The following SYBU variants were observed in gnomAD, a reference collection of about 807,000 sequenced individuals.
SYBU encodes GOLSYN A protein.
SYBU carries 21 observed loss-of-function variants against 35.9 expected under a neutral mutation model. That is an observed-to-expected ratio of 0.58 (90% CI 0.41 to 0.84). SYBU has a LOEUF of 0.84. Ranked by LOEUF, SYBU falls within the 40% of genes least tolerant of loss-of-function variation. The pLI is 0.00. For synonymous variants in SYBU, 319 were observed against 324.3 expected (o/e 0.98, Z 0.18); for missense variants, 768 against 848.2 (o/e 0.91, Z 1.17).
At chr8:109,640,019 C>G (rs902891775) in intron 2 of SYBU, among the ~76,000 whole-genome samples, 2 of 152,132 alleles carry the variant, frequency 1.3e-5, no homozygotes, top group Non-Finnish European at 2.9e-5. Flanking sequence ...CCTTGGGGAA[C>G]TGACAGCACA....
At chr8:109,586,775 T>C (rs917399835) in intron 3 of SYBU, among the ~76,000 whole-genome samples, 3 of 152,222 alleles carry the variant, frequency 2.0e-5, no homozygotes, top group African/African-American at 7.2e-5. Flanking sequence ...TTAACAGTGA[T>C]AGAACCTGTA....
At chr8:109,651,122 C>T (rs1202605256) in intron 1 of SYBU, among the ~76,000 whole-genome samples, 1 of 152,220 alleles carries the variant, frequency 6.6e-6, no homozygotes, top group African/African-American at 2.4e-5. Flanking sequence ...GAGGCTGCTG[C>T]TGGAAGCCTA....
intron 3 of SYBU, among the ~76,000 whole-genome samples, chr8:109,611,098 T>C (rs548809899): frequency 1.3e-5 from 2 of 152,364 alleles, no homozygotes; most frequent in East Asian, 3.9e-4. Context: ...TTATTTCTGT[T>C]ATGCTGACAG....
intron 1 of SYBU, among the ~76,000 whole-genome samples, chr8:109,676,902 G>A (rs771621867): frequency 3.9e-5 from 6 of 152,160 alleles, no homozygotes; most frequent in Non-Finnish European, 7.4e-5. Context: ...TTTGGCAGTA[G>A]TCAGTTGTGA....
chr8:109,625,545 C>T (rs1444025401), intron 2 of SYBU, among the ~76,000 whole-genome samples: 1 of 152,136 alleles, frequency 6.6e-6, no homozygotes, highest in Non-Finnish European at 1.5e-5. Flanking sequence ...CCTCAGCCTC[C>T]CTAGCAGCTG....
At chr8:109,603,080 C>T (rs1825707407) in intron 3 of SYBU, among the ~76,000 whole-genome samples, 2 of 152,208 alleles carry the variant, frequency 1.3e-5, no homozygotes, top group African/African-American at 4.8e-5. Flanking sequence ...CCACAGAGCC[C>T]AGTGTCCGCC....
At chr8:109,630,691 G>A (rs1813517070) in intron 2 of SYBU, among the ~76,000 whole-genome samples, 1 of 152,172 alleles carries the variant, frequency 6.6e-6, no homozygotes, top group Admixed American at 6.5e-5. Flanking sequence ...AGAAAAATGG[G>A]TTTATGATTG....
At chr8:109,657,768 G>T (rs58910462) in intron 1 of SYBU, among the ~76,000 whole-genome samples, 9,048 of 152,196 alleles carry the variant, frequency 0.059, 807 homozygotes, top group African/African-American at 0.19. Context: ...GCAACCACAT[G>T]ATTTAATTGT....
At chr8:109,608,789 T>C (rs1023970504) in intron 3 of SYBU, among the ~76,000 whole-genome samples, 1 of 152,216 alleles carries the variant, frequency 6.6e-6, no homozygotes, top group Non-Finnish European at 1.5e-5. Context: ...AAAGTGATCA[T>C]TTATTGAGCA....
At chr8:109,644,887 G>C (rs2130674682), upstream of SYBU, 1 of 562,796 alleles carries the variant, frequency 1.8e-6, no homozygotes, top group East Asian at 3.2e-5. Flanking sequence ...GCTAGAGGCA[G>C]CTCCTGGGGC....
intron 3 of SYBU, among the ~76,000 whole-genome samples, chr8:109,598,552 G>T (rs1825150788): frequency 2.0e-5 from 3 of 152,152 alleles, no homozygotes. Flanking sequence ...GCCATAATAT[G>T]AACTACTGTA....
chr8:109,577,838 C>T (rs1391600701), intron 6 of SYBU, 30 bp downstream of exon 6: 1 of 1,592,484 alleles, frequency 6.3e-7, no homozygotes, highest in Non-Finnish European at 8.6e-7. Flanking sequence ...AGTTGTCCTA[C>T]ACCCCACCGT....
At chr8:109,612,206 T>C (rs955679893) in intron 3 of SYBU, among the ~76,000 whole-genome samples, 1 of 152,214 alleles carries the variant, frequency 6.6e-6, no homozygotes, top group East Asian at 1.9e-4. Flanking sequence ...CTTGCATTGA[T>C]ATTAGGATGA....
At chr8:109,665,492 T>C (rs1180063445) in intron 1 of SYBU, among the ~76,000 whole-genome samples, 1 of 152,254 alleles carries the variant, frequency 6.6e-6, no homozygotes, top group African/African-American at 2.4e-5. Flanking sequence ...AAGGCATACT[T>C]GCTTTGCCAG....
chr8:109,597,206 G>C (rs1199916946), intron 3 of SYBU, among the ~76,000 whole-genome samples: 1 of 152,124 alleles, frequency 6.6e-6, no homozygotes, highest in African/African-American at 2.4e-5. Flanking sequence ...CAGAGTTGCT[G>C]GATTATGCAT....
upstream of SYBU, among the ~76,000 whole-genome samples, chr8:109,685,935 T>C (rs1338270879): frequency 6.6e-6 from 1 of 152,164 alleles, no homozygotes; most frequent in Non-Finnish European, 1.5e-5. Context: ...ATCAAGAAAT[T>C]GTAGGAGTAA....
In SYBU at chr8:109,691,233, G is replaced by C; in HGVS notation, c.-58+100C>G. 5 of 677,428 alleles carry C rather than the reference G, an allele frequency of 7.4e-6. No homozygotes were observed. Among genetic ancestry groups the C allele is most frequent in the Admixed American group, 4.2e-5 (2 of 47,394 alleles). The allele number at this position is 677,428 out of a possible 1,614,324, so 42.0% of individuals were successfully genotyped here. A position where few individuals can be genotyped will look rare whatever the true frequency, so the allele number is the denominator to read the frequency against. ...TTGGAAAGGGTGGTCCTGGGGTCCG[G>C]AGCGCCCCATCACTGCCCTCATTGT... is the stretch of plus-strand genomic sequence containing the variant. On this transcript the variant is annotated intron_variant, in intron 1 of 7. Transcript: ENST00000422135. This position sits in a 1 kb window ranked among gnomAD's most constrained non-coding sequence, Gnocchi z 4.7.
At chr8:109,620,853 C>T (rs1812328650) in intron 2 of SYBU, among the ~76,000 whole-genome samples, 1 of 152,076 alleles carries the variant, frequency 6.6e-6, no homozygotes, top group Non-Finnish European at 1.5e-5. Flanking sequence ...TATTTGAGCT[C>T]CTTTTTAAAG....
At chr8:109,590,803 A>C (rs1276021011) in intron 3 of SYBU, among the ~76,000 whole-genome samples, 2 of 151,626 alleles carry the variant, frequency 1.3e-5, no homozygotes, top group Non-Finnish European at 2.9e-5. Context: ...TGGGCCAAGG[A>C]CATATTAGGC....
Sources: allele counts gnomAD v4.1 joint callset (sites outside exome capture counted in the v4.1 genomes callset), GRCh38; gene constraint gnomAD v4.1.1; non-coding constraint Gnocchi (gnomAD v3.1); transcripts MANE v1.5; gene names NCBI Gene and HGNC (gene_info 2026-07-23, HGNC 2026-07-21).